The following TMEM217B variants were observed in gnomAD, a reference collection of about 807,000 sequenced individuals.
TMEM217B encodes transmembrane protein 217B.
the TMEM217B span, among the ~76,000 whole-genome samples, chr6:37,222,356 T>C: frequency 6.6e-6 from 1 of 152,130 alleles, no homozygotes. Flanking sequence ...GCTCCGAGAT[T>C]TGAACTGGTG....
chr6:37,227,440 T>G, the TMEM217B span, among the ~76,000 whole-genome samples: 2 of 151,940 alleles, frequency 1.3e-5, no homozygotes, highest in Non-Finnish European at 2.9e-5. Context: ...TAAGCGAAGG[T>G]TTTTTTTGTT....
chr6:37,234,151 G>A, the TMEM217B span, among the ~76,000 whole-genome samples: 1 of 149,358 alleles, frequency 6.7e-6, no homozygotes, highest in South Asian at 2.1e-4. Context: ...CCAGGATGGA[G>A]TGCAGTGGTG....
At chr6:37,247,162 C>A in the TMEM217B span, among the ~76,000 whole-genome samples, 23 of 152,204 alleles carry the variant, frequency 1.5e-4, 1 homozygote, top group East Asian at 4.4e-3. Context: ...CTATGATAGA[C>A]CCCTGCTGCA....
At chr6:37,229,335 G>GCTTTTTTTT in the TMEM217B span, among the ~76,000 whole-genome samples, 1 of 74,368 alleles carries the variant, frequency 1.3e-5, no homozygotes, top group Admixed American at 2.3e-4. Flanking sequence ...GCAACTTTCA[G>GCTTTTTTTT]TTTTTTTTTT....
At chr6:37,218,169 CT>C in the TMEM217B span, 32,289 of 980,978 alleles carry the variant, frequency 0.033, no homozygotes, top group Non-Finnish European at 0.035. Context: ...AAGCTGCTAA[CT>C]TTTTTTTTTT....
the TMEM217B span, among the ~76,000 whole-genome samples, chr6:37,229,335 G>GTTTTATTTTTT: frequency 1.3e-5 from 1 of 74,368 alleles, no homozygotes; most frequent in Non-Finnish European, 2.3e-5. Context: ...GCAACTTTCA[G>GTTTTATTTTTT]TTTTTTTTTT....
chr6:37,221,025 T>C, the TMEM217B span, among the ~76,000 whole-genome samples: 1 of 152,176 alleles, frequency 6.6e-6, no homozygotes, highest in Non-Finnish European at 1.5e-5. Context: ...TATATTCATT[T>C]TGTTGTACAA....
At chr6:37,250,123 A>C in the TMEM217B span, among the ~76,000 whole-genome samples, 1 of 152,226 alleles carries the variant, frequency 6.6e-6, no homozygotes, top group Non-Finnish European at 1.5e-5. Context: ...AAATCATACT[A>C]TTGTCTAAAA....
chr6:37,256,039 G>C, the TMEM217B span, among the ~76,000 whole-genome samples: 1 of 152,206 alleles, frequency 6.6e-6, no homozygotes, highest in African/African-American at 2.4e-5. Context: ...AGTATTTTGA[G>C]ATATGTCTAG....
chr6:37,215,126 T>C, the TMEM217B span: 1 of 1,591,652 alleles, frequency 6.3e-7, no homozygotes, highest in South Asian at 1.1e-5. Context: ...TGGGTCACTA[T>C]AATAATGGCC....
the TMEM217B span, among the ~76,000 whole-genome samples, chr6:37,224,108 T>C: frequency 6.6e-6 from 1 of 151,394 alleles, no homozygotes; most frequent in Non-Finnish European, 1.5e-5. Context: ...GGCTCATTTT[T>C]TTGTATTTTT....
At chr6:37,249,355 T>C in the TMEM217B span, among the ~76,000 whole-genome samples, 2 of 152,200 alleles carry the variant, frequency 1.3e-5, no homozygotes, top group African/African-American at 4.8e-5. Context: ...AGTCTCACTC[T>C]GTTGCCTACG....
the TMEM217B span, among the ~76,000 whole-genome samples, chr6:37,244,153 T>C: frequency 7.2e-4 from 109 of 152,280 alleles, no homozygotes; most frequent in African/African-American, 2.5e-3. Context: ...ACAAAGGTGG[T>C]TTAGTTTTGG....
the TMEM217B span, chr6:37,217,975 G>A: frequency 9.1e-6 from 9 of 988,310 alleles, no homozygotes; most frequent in Middle Eastern, 5.2e-4. Flanking sequence ...AGGATGTTCC[G>A]GTTGTGATTA....
chr6:37,237,973 C>A, the TMEM217B span, among the ~76,000 whole-genome samples: 1 of 152,098 alleles, frequency 6.6e-6, no homozygotes, highest in African/African-American at 2.4e-5. Flanking sequence ...TACCATACAG[C>A]CAGATGCAAA....
At chr6:37,252,571 G>A in the TMEM217B span, among the ~76,000 whole-genome samples, 77 of 145,362 alleles carry the variant, frequency 5.3e-4, 2 homozygotes, top group South Asian at 0.017. Context: ...AGGGGTGTGT[G>A]TGTGCACGTG....
chr6:37,227,906 G>C, the TMEM217B span, among the ~76,000 whole-genome samples: 4 of 151,636 alleles, frequency 2.6e-5, no homozygotes, highest in South Asian at 8.3e-4. Flanking sequence ...AAAGTTTTTA[G>C]GAAAAAAATG....
At chr6:37,247,040 G>T in the TMEM217B span, among the ~76,000 whole-genome samples, 1 of 152,288 alleles carries the variant, frequency 6.6e-6, no homozygotes, top group South Asian at 2.1e-4. Flanking sequence ...GACTAGAGTG[G>T]TCCTTCTACA....
At chr6:37,236,285 G>A in the TMEM217B span, among the ~76,000 whole-genome samples, 1 of 152,072 alleles carries the variant, frequency 6.6e-6, no homozygotes, top group African/African-American at 2.4e-5. Flanking sequence ...ACTGTGCCTG[G>A]CCATTTATTT....
Sources: gnomAD v4.1 joint callset for allele counts (sites outside exome capture counted in the v4.1 genomes callset) on GRCh38, gnomAD v4.1.1 for gene constraint, MANE v1.5 for transcripts, NCBI Gene and HGNC (gene_info 2026-07-23, HGNC 2026-07-21) for gene names.